Variants in AAMDC observed in about 807,000 individuals in gnomAD.
The protein encoded by AAMDC is mth938 domain-containing protein.
Under a neutral mutation model 15.5 loss-of-function variants are expected in AAMDC, and 16 were observed. That is an observed-to-expected ratio of 1.03 (90% CI 0.70 to 1.57). AAMDC has a LOEUF of 1.57. AAMDC is among the 40% of genes most tolerant of loss of function. AAMDC has a pLI of 0.00. For synonymous variants in AAMDC, 51 were observed against 51.6 expected (o/e 0.99, Z 0.05); for missense variants, 141 against 144.9 (o/e 0.97, Z 0.14).
rs183936324 is a variant in AAMDC at position 77,898,015 on chromosome 11, G to A, written c.329-2556G>A. 1.1e-4 allele frequency among the ~76,000 whole-genome samples: 17 copies of A among 152,088 alleles called. No individual in the cohort carries two copies. The East Asian group carries it at 3.1e-3, about 28-fold the overall frequency. On this transcript the variant is annotated intron_variant, in intron 5 of 5. Coordinates refer to the AAMDC transcript ENST00000304716. ...TTTTTTAGAGACAGGGTCTCATTATGTTGCTTAGGCTGGGGTCAAACTCCT... is the reference window on the plus strand; with the variant it reads ...TTTTTTAGAGACAGGGTCTCATTATATTGCTTAGGCTGGGGTCAAACTCCT...
intron 5 of AAMDC, chr11:77,891,770 G>C (rs1251613708): frequency 6.2e-7 from 1 of 1,611,914 alleles, no homozygotes; most frequent in African/African-American, 1.3e-5. Context: ...GATGTCATGA[G>C]TCGGGGCATA....
chr11:77,825,005 G>C (rs958932292), intron 1 of AAMDC, among the ~76,000 whole-genome samples: 2 of 152,064 alleles, frequency 1.3e-5, no homozygotes, highest in Admixed American at 6.6e-5. Flanking sequence ...TTTTGAGACA[G>C]AGTCTCACTC....
chr11:77,870,196 TTTA>T (rs1327949701), intron 3 of AAMDC: 83 of 151,678 alleles, frequency 5.5e-4, no homozygotes, highest in Admixed American at 1.0e-3. Context: ...TTTTTTTTTT[TTTA>T]AATATAGATG....
At chr11:77,843,035 G>A (rs1209567641) in intron 2 of AAMDC, among the ~76,000 whole-genome samples, 1 of 152,110 alleles carries the variant, frequency 6.6e-6, no homozygotes, top group Non-Finnish European at 1.5e-5. Context: ...TATCTTAGGT[G>A]TGTTCCTAGG....
At chr11:77,876,050 C>T (rs1188245703), downstream of AAMDC, among the ~76,000 whole-genome samples, 2 of 151,998 alleles carry the variant, frequency 1.3e-5, no homozygotes, top group Non-Finnish European at 2.9e-5. Context: ...CAGCTCATCA[C>T]TTAAGGAGGG....
intron 1 of AAMDC, among the ~76,000 whole-genome samples, chr11:77,823,718 TAA>T (rs1199383011): frequency 6.6e-6 from 1 of 152,026 alleles, no homozygotes; most frequent in Non-Finnish European, 1.5e-5. Flanking sequence ...ACTGGTTACT[TAA>T]CTGACCTTAA....
intron 5 of AAMDC, chr11:77,891,567 C>A (rs1952268944): frequency 1.3e-6 from 2 of 1,561,982 alleles, no homozygotes; most frequent in Non-Finnish European, 1.7e-6. Flanking sequence ...CATGTGGGAG[C>A]CACTCAGAGG....
chr11:77,891,236 G>T (rs1952247719), intron 5 of AAMDC: 3 of 1,339,142 alleles, frequency 2.2e-6, no homozygotes, highest in Non-Finnish European at 3.1e-6. Context: ...TGTCCCTCAA[G>T]TAGAGACTAC....
intron 2 of AAMDC, chr11:77,869,094 G>T: frequency 3.5e-6 from 1 of 284,490 alleles, no homozygotes. Context: ...CTGTCTCATA[G>T]ATTCACATGT....
intron 5 of AAMDC, among the ~76,000 whole-genome samples, chr11:77,883,504 G>A (rs944674961): frequency 6.6e-6 from 1 of 152,162 alleles, no homozygotes; most frequent in Non-Finnish European, 1.5e-5. Flanking sequence ...TGTCTAAGGT[G>A]ACCAAGCAAG....
intron 3 of AAMDC, among the ~76,000 whole-genome samples, chr11:77,870,355 T>TG (rs1491518532): frequency 1.4e-4 from 18 of 129,548 alleles, no homozygotes; most frequent in African/African-American, 5.0e-4. Flanking sequence ...TTTTTTTTTT[T>TG]GAGACGGAGT....
chr11:77,871,681 A>C (rs1287483715), intron 3 of AAMDC, among the ~76,000 whole-genome samples: 1 of 152,232 alleles, frequency 6.6e-6, no homozygotes, highest in Non-Finnish European at 1.5e-5. Context: ...GAGCTAGCCT[A>C]ACATTTCTTA....
chr11:77,876,908 T>A, downstream of AAMDC: 1 of 699,048 alleles, frequency 1.4e-6, no homozygotes, highest in Non-Finnish European at 2.6e-6. Flanking sequence ...TACAGCACGA[T>A]GGGCTCAGGC....
chr11:77,837,162 G>A (rs1409363441), intron 1 of AAMDC, among the ~76,000 whole-genome samples: 1 of 152,072 alleles, frequency 6.6e-6, no homozygotes, highest in Non-Finnish European at 1.5e-5. Flanking sequence ...TTGAGACGTA[G>A]TCTCGCTCTG....
chr11:77,846,772 TTTTA>T (rs1345051718), intron 2 of AAMDC, among the ~76,000 whole-genome samples: 3 of 152,184 alleles, frequency 2.0e-5, no homozygotes, highest in Non-Finnish European at 4.4e-5. Flanking sequence ...CTCTCCCAGT[TTTTA>T]TTTGTCTGAA....
chr11:77,826,168 C>T (rs1565194688), intron 1 of AAMDC, among the ~76,000 whole-genome samples: 1 of 151,988 alleles, frequency 6.6e-6, no homozygotes, highest in South Asian at 2.1e-4. Flanking sequence ...TCAAGACCAG[C>T]CTGGTCAACA....
At chr11:77,903,454 A>G (rs1304140978), downstream of AAMDC, 2 of 1,605,478 alleles carry the variant, frequency 1.2e-6, no homozygotes, top group African/African-American at 2.7e-5. Context: ...ACACAGACAG[A>G]GCTATAGGAA....
intron 2 of AAMDC, among the ~76,000 whole-genome samples, chr11:77,850,025 T>C (rs568207629): frequency 2.6e-5 from 4 of 152,352 alleles, no homozygotes; most frequent in South Asian, 4.1e-4. Flanking sequence ...GAACTATGCA[T>C]TTAACACAGT....
downstream of AAMDC, among the ~76,000 whole-genome samples, chr11:77,904,539 C>A (rs1335704238): frequency 6.6e-6 from 1 of 152,206 alleles, no homozygotes; most frequent in Non-Finnish European, 1.5e-5. Flanking sequence ...CACTTAATAA[C>A]ACATCTCAGT....
Sources: allele counts gnomAD v4.1 joint callset (sites outside exome capture counted in the v4.1 genomes callset), GRCh38; gene constraint gnomAD v4.1.1; transcripts MANE v1.5; gene names NCBI Gene and HGNC (gene_info 2026-07-23, HGNC 2026-07-21).